Variants in PDSS2 observed in about 807,000 individuals in gnomAD.
The protein encoded by PDSS2 is all trans-polyprenyl-diphosphate synthase PDSS2.
PDSS2 carries 31 observed loss-of-function variants against 44.5 expected under a neutral mutation model. The observed-to-expected ratio is 0.70, with a 90% CI of 0.52 to 0.94. PDSS2 has a LOEUF of 0.94. Ranked by LOEUF, PDSS2 falls within the 40% of genes least tolerant of loss-of-function variation. PDSS2 has a pLI of 0.00. For missense variants in PDSS2, 452 were observed against 482.2 expected, an observed-to-expected ratio of 0.94 and a Z score of 0.59; for synonymous variants, 157 against 180.3, an observed-to-expected ratio of 0.87 and a Z score of 1.03.
chr6:107,376,735 T>C (rs1459044175), intron 1 of PDSS2, among the ~76,000 whole-genome samples: 1 of 152,006 alleles, frequency 6.6e-6, no homozygotes, highest in Non-Finnish European at 1.5e-5. Context: ...CTTTTCCTAA[T>C]TGAATACCCT....
At chr6:107,443,730 T>C (rs538198743) in intron 1 of PDSS2, among the ~76,000 whole-genome samples, 1 of 152,310 alleles carries the variant, frequency 6.6e-6, no homozygotes, top group East Asian at 1.9e-4. Context: ...CTTAAATTCT[T>C]TTCCTGCCTC....
intron 1 of PDSS2, among the ~76,000 whole-genome samples, chr6:107,372,542 C>G (rs1388611085): frequency 6.6e-6 from 1 of 152,214 alleles, no homozygotes; most frequent in African/African-American, 2.4e-5. Context: ...AGCTCCGCCT[C>G]CCGGGTTCAT....
At position 107,185,945 on chromosome 6, in the gene PDSS2, G is replaced by A. The variant is rs2883019; in HGVS notation, c.1041+7877C>T. ...CTGGAGCAAAAGTGTTAGCTTCCTG[G>A]TCACACTTCACTTCTGGTAATTACA... On this transcript the variant is annotated intron_variant, in intron 7 of 7. Coordinates refer to ENST00000369037, the MANE Select transcript of PDSS2 (RefSeq NM_020381.4). 8.1e-3 allele frequency among the ~76,000 whole-genome samples: 1,234 copies of A among 152,306 alleles called. 19 individuals carry two copies. The highest frequency in any genetic ancestry group is 0.027 in the African/African-American group (1,129 of 41,576).
intron 3 of PDSS2, among the ~76,000 whole-genome samples, chr6:107,259,681 A>G (rs529661852): frequency 1.3e-5 from 2 of 152,100 alleles, no homozygotes; most frequent in South Asian, 4.2e-4. Context: ...TCTCAAAAAA[A>G]AAAAATAGAA....
chr6:107,197,994 A>G, intron 6 of PDSS2: 1 of 462,322 alleles, frequency 2.2e-6, no homozygotes, highest in Non-Finnish European at 4.5e-6. Context: ...TCTGTCTCAA[A>G]AAAATTCAAC....
At chr6:107,419,920 G>A (rs1000447263) in intron 1 of PDSS2, among the ~76,000 whole-genome samples, 1 of 152,168 alleles carries the variant, frequency 6.6e-6, no homozygotes, top group African/African-American at 2.4e-5. Context: ...GCCACATGTA[G>A]TGTATAAGGC....
chr6:107,430,138 C>T (rs1395563126), intron 1 of PDSS2, among the ~76,000 whole-genome samples: 1 of 151,754 alleles, frequency 6.6e-6, no homozygotes, highest in East Asian at 1.9e-4. Flanking sequence ...CTCACACATC[C>T]ACTGTAGCCA....
intron 7 of PDSS2, among the ~76,000 whole-genome samples, chr6:107,156,465 A>T (rs545267702): frequency 1.3e-5 from 2 of 152,264 alleles, no homozygotes; most frequent in Non-Finnish European, 2.9e-5. Flanking sequence ...AAGTGCTGGG[A>T]TTACAGGCGT....
At chr6:107,243,303 C>T (rs888110580) in intron 4 of PDSS2, among the ~76,000 whole-genome samples, 3 of 152,174 alleles carry the variant, frequency 2.0e-5, no homozygotes, top group African/African-American at 7.2e-5. Context: ...TCACCCTTTT[C>T]ATAGGTGATT....
intron 3 of PDSS2, among the ~76,000 whole-genome samples, chr6:107,259,754 T>C (rs1007429980): frequency 3.9e-5 from 6 of 152,190 alleles, no homozygotes; most frequent in Non-Finnish European, 5.9e-5. Context: ...ACTTCTACTT[T>C]ATGGTTCTTT....
intron 2 of PDSS2, among the ~76,000 whole-genome samples, chr6:107,309,522 G>C (rs774969259): frequency 1.6e-4 from 25 of 152,130 alleles, no homozygotes; most frequent in Non-Finnish European, 1.5e-4. Context: ...CATTGCACAG[G>C]TCTTGGCCTA....
chr6:107,312,984 G>T (rs887816423), intron 2 of PDSS2, among the ~76,000 whole-genome samples: 2 of 152,182 alleles, frequency 1.3e-5, no homozygotes, highest in Non-Finnish European at 2.9e-5. Context: ...ATGGGTAGGC[G>T]AGTAGCAGAG....
Position 107,186,454 on chromosome 6 carries a change from G to C in PDSS2, c.1041+7368C>G, listed in dbSNP as rs540513159. On this transcript the variant is annotated intron_variant, in intron 7 of 7. Coordinates refer to ENST00000369037, the MANE Select transcript of PDSS2 (RefSeq NM_020381.4). ...GTGATGGGCCATAAAGCCACAGAGT[G>C]CATGACTGAAATAATTATATAGTTT... 5.3e-5 allele frequency among the ~76,000 whole-genome samples: 8 copies of C among 151,576 alleles called. No individual in the cohort carries two copies. In the South Asian group the frequency reaches 1.7e-3, roughly 32 times the overall value.
chr6:107,245,009 C>T (rs1047215105), intron 4 of PDSS2, among the ~76,000 whole-genome samples: 1 of 152,162 alleles, frequency 6.6e-6, no homozygotes, highest in Admixed American at 6.5e-5. Context: ...TCAAAAAAAT[C>T]TTAATTCTAG....
At chr6:107,318,445 T>C (rs1479055897) in intron 2 of PDSS2, among the ~76,000 whole-genome samples, 1 of 152,130 alleles carries the variant, frequency 6.6e-6, no homozygotes, top group African/African-American at 2.4e-5. Context: ...AATTGTTTTA[T>C]TCAATTTTTT....
At chr6:107,255,081 G>A (rs1393145415) in intron 3 of PDSS2, among the ~76,000 whole-genome samples, 8 of 151,844 alleles carry the variant, frequency 5.3e-5, no homozygotes, top group Admixed American at 5.3e-4. Flanking sequence ...ATGTTGGCCA[G>A]GCTGGTCTCG....
At chr6:107,226,401 C>T (rs1412133288) in intron 4 of PDSS2, among the ~76,000 whole-genome samples, 1 of 152,136 alleles carries the variant, frequency 6.6e-6, no homozygotes, top group Non-Finnish European at 1.5e-5. Context: ...AAGAACTTGG[C>T]TGAGACTGGG....
chr6:107,307,496 C>G (rs544258882), intron 2 of PDSS2, among the ~76,000 whole-genome samples: 1 of 151,262 alleles, frequency 6.6e-6, no homozygotes, highest in African/African-American at 2.4e-5. Context: ...CTCCAACTCA[C>G]AGATGGGGCA....
intron 1 of PDSS2, among the ~76,000 whole-genome samples, chr6:107,384,545 G>C (rs1779551717): frequency 6.6e-6 from 1 of 151,924 alleles, no homozygotes; most frequent in Non-Finnish European, 1.5e-5. Flanking sequence ...GGAGGCTGAG[G>C]CAGGAGAATT....
Sources: allele counts gnomAD v4.1 joint callset (sites outside exome capture counted in the v4.1 genomes callset), GRCh38; gene constraint gnomAD v4.1.1; transcripts MANE v1.5; gene names NCBI Gene and HGNC (gene_info 2026-07-23, HGNC 2026-07-21).